The following EPM2A variants were observed in gnomAD, a reference collection of about 807,000 sequenced individuals.
EPM2A encodes EPM2A glucan phosphatase, laforin.
A neutral mutation model predicts 26.5 loss-of-function variants in EPM2A; 21 were observed. That is an observed-to-expected ratio of 0.79 (90% CI 0.56 to 1.14). The LOEUF (loss-of-function observed/expected upper bound fraction) is 1.14. Ranked by LOEUF, EPM2A falls within the 50% of genes most tolerant of loss-of-function variation. The probability of loss-of-function intolerance (pLI) is 0.00; values close to 1 mark genes in which losing one functional copy is unlikely to be tolerated. For missense variants in EPM2A, 458 were observed against 440.8 expected, an observed-to-expected ratio of 1.04 and a Z score of -0.35; for synonymous variants, 217 against 177.6, an observed-to-expected ratio of 1.22 and a Z score of -1.76.
chr6:145,607,322 T>C (rs1356796628), intron 2 of EPM2A, among the ~76,000 whole-genome samples: 1 of 152,180 alleles, frequency 6.6e-6, no homozygotes, highest in Non-Finnish European at 1.5e-5. Flanking sequence ...ATTTGTCTAA[T>C]ATGATCAAAG....
chr6:145,405,429 A>G (rs537323767), intron 4 of EPM2A, among the ~76,000 whole-genome samples: 1 of 152,222 alleles, frequency 6.6e-6, no homozygotes, highest in Admixed American at 6.6e-5. Flanking sequence ...CTTGGGGACT[A>G]TAAGTACATG....
chr6:145,587,569 G>A lies in EPM2A; in HGVS notation c.340+47676C>T, dbSNP rs577934667. ...AGTAAACAGCTGTTCCTTGACTTCT[G>A]GAGATAAGATTTCTGTCAGTACAGC... On this transcript the variant is annotated intron_variant, in intron 2 of 3. Transcript: ENST00000450221. Among the ~76,000 whole-genome samples, 9 of 152,268 alleles carry A rather than the reference G, an allele frequency of 5.9e-5. 1 individual carries two copies. The highest frequency in any genetic ancestry group is 5.9e-4 in the Admixed American group (9 of 15,298).
chr6:145,499,010 G>T (rs1172233744), downstream of EPM2A, among the ~76,000 whole-genome samples: 2 of 152,036 alleles, frequency 1.3e-5, no homozygotes, highest in South Asian at 2.1e-4. Context: ...ACAACTGGCT[G>T]CAGAATGCCT....
At chr6:145,392,964 TG>T (rs1778357267) in intron 4 of EPM2A, among the ~76,000 whole-genome samples, 2 of 152,236 alleles carry the variant, frequency 1.3e-5, no homozygotes, top group South Asian at 4.2e-4. Flanking sequence ...AAAAAAGGGA[TG>T]AGCCAGTCTT....
At position 145,627,059 on chromosome 6, in the gene EPM2A, G is replaced by C; in HGVS notation, c.*357C>G. ...TTCCTCTACATGGCCAAGAGTTTCA[G>C]TGCAACAGGAAAGTGCTGTCACGGA... On this transcript the variant is annotated 3_prime_UTR_variant, in exon 4 of 4. Transcript: ENST00000367519. The C allele has an allele frequency of 7.6e-6, 9 of 1,177,554 alleles. No homozygotes were observed. Among genetic ancestry groups the C allele is most frequent in the Non-Finnish European group, 9.5e-6 (9 of 943,960 alleles). 72.9% of individuals were successfully genotyped at this position (1,177,554 alleles called of 1,614,324 possible). A position where few individuals can be genotyped will look rare whatever the true frequency, so the allele number is the denominator to read the frequency against.
chr6:145,494,217 T>C (rs1016513486), intron 4 of EPM2A, among the ~76,000 whole-genome samples: 1 of 152,108 alleles, frequency 6.6e-6, no homozygotes, highest in African/African-American at 2.4e-5. Context: ...CTTGGGAGAG[T>C]GTATGTGTCC....
chr6:145,442,036 C>T (rs1302652890), intron 4 of EPM2A, among the ~76,000 whole-genome samples: 1 of 152,196 alleles, frequency 6.6e-6, no homozygotes, highest in Non-Finnish European at 1.5e-5. Context: ...CCACCAGTCT[C>T]TGCTAAAACA....
At chr6:145,731,627 G>A (rs1158568185) in intron 1 of EPM2A, among the ~76,000 whole-genome samples, 1 of 152,152 alleles carries the variant, frequency 6.6e-6, no homozygotes, top group Non-Finnish European at 1.5e-5. Flanking sequence ...GCCTGTTGGT[G>A]GGTGGGGGTT....
intron 4 of EPM2A, among the ~76,000 whole-genome samples, chr6:145,425,383 C>T (rs1018573203): frequency 6.6e-6 from 1 of 152,092 alleles, no homozygotes; most frequent in African/African-American, 2.4e-5. Flanking sequence ...CCATGTTGGC[C>T]AGGCTGCTCT....
chr6:145,610,075 C>A (rs971917990), intron 2 of EPM2A, among the ~76,000 whole-genome samples: 1 of 152,006 alleles, frequency 6.6e-6, no homozygotes, highest in African/African-American at 2.4e-5. Flanking sequence ...ATTAGCGGGG[C>A]CTGGTGGCAC....
In EPM2A at chr6:145,735,238, C is replaced by T. The variant is rs755681637; in HGVS notation, c.261G>A (p.Lys87=). 4 of 1,540,926 alleles carry T rather than the reference C, an allele frequency of 2.6e-6. No homozygotes were observed. In the South Asian group the frequency reaches 4.8e-5, roughly 19 times the overall value. ...CTCCTCCCGGCTCCCGCTTCAGGAA[C>T]TTGTACCAGAACGTGTCCACGCGGC... ...EPGRVDTFWY[K]FLKREPGGEL... is the part of the protein sequence containing the mutation. The change falls in exon 1 of 4, where the codon AAG becomes AAA. Residue 87 remains lysine, a synonymous_variant. Transcript: ENST00000367519.
intron 2 of EPM2A, among the ~76,000 whole-genome samples, chr6:145,507,656 C>T (rs2097299792): frequency 6.6e-6 from 1 of 152,224 alleles, no homozygotes; most frequent in African/African-American, 2.4e-5. Flanking sequence ...GCAGTAGCCA[C>T]AGCAGGCATT....
In EPM2A at chr6:145,543,370, G is replaced by A. The variant is rs76168885; in HGVS notation, c.341-40795C>T. ...ATAATAAATCTAGGCCAGTGTCAAC[G>A]CCAAACCATAGAATGGAGAACATAG... On this transcript the variant is annotated intron_variant, in intron 2 of 3. Transcript: ENST00000450221. Among the ~76,000 whole-genome samples, 767 of 152,104 alleles carry A rather than the reference G, an allele frequency of 5.0e-3. 4 individuals carry two copies. Among genetic ancestry groups the A allele is most frequent in the African/African-American group, 0.018 (741 of 41,492 alleles).
At chr6:145,588,694 C>T (rs1781230535) in intron 2 of EPM2A, among the ~76,000 whole-genome samples, 2 of 152,212 alleles carry the variant, frequency 1.3e-5, no homozygotes, top group South Asian at 4.1e-4. Context: ...TTACTACATG[C>T]CAAGAACAGT....
chr6:145,458,171 C>G (rs78842531), intron 4 of EPM2A, among the ~76,000 whole-genome samples: 1,593 of 152,268 alleles, frequency 0.01, 20 homozygotes, highest in African/African-American at 0.023. Context: ...TCCCTGTGTT[C>G]GTCTATCATT....
intron 2 of EPM2A, among the ~76,000 whole-genome samples, chr6:145,592,399 C>G (rs988482807): frequency 6.6e-6 from 1 of 151,998 alleles, no homozygotes; most frequent in Admixed American, 6.6e-5. Context: ...TTTTCTTAAT[C>G]CAGTCTATCA....
chr6:145,595,617 C>T (rs1781332706), intron 2 of EPM2A, among the ~76,000 whole-genome samples: 1 of 151,880 alleles, frequency 6.6e-6, no homozygotes, highest in Admixed American at 6.6e-5. Context: ...GGTTTCATTG[C>T]TCTTTTAAAT....
At chr6:145,560,669 T>G (rs1780791940) in intron 2 of EPM2A, among the ~76,000 whole-genome samples, 1 of 152,168 alleles carries the variant, frequency 6.6e-6, no homozygotes, top group Non-Finnish European at 1.5e-5. Flanking sequence ...TGTGTGATTT[T>G]TCACCATCTC....
chr6:145,395,818 CTTT>C (rs1279644632), intron 4 of EPM2A, among the ~76,000 whole-genome samples: 2 of 152,138 alleles, frequency 1.3e-5, no homozygotes, highest in Non-Finnish European at 2.9e-5. Context: ...GCTGATGAGT[CTTT>C]TATCAGAGAT....
Sources: allele counts gnomAD v4.1 joint callset (sites outside exome capture counted in the v4.1 genomes callset), GRCh38; gene constraint gnomAD v4.1.1; transcripts MANE v1.5; gene names NCBI Gene and HGNC (gene_info 2026-07-23, HGNC 2026-07-21).